Variants in FAM13A observed in about 807,000 individuals in gnomAD.
The protein encoded by FAM13A is family with sequence similarity 13 member A.
Under a neutral mutation model 129.6 loss-of-function variants are expected in FAM13A, and 76 were observed. The ratio of observed to expected loss-of-function variants is 0.59; its 90% confidence interval spans 0.49 to 0.71. FAM13A has a LOEUF of 0.71. Ranked by LOEUF, FAM13A falls within the 30% of genes least tolerant of loss-of-function variation. The pLI, the probability that FAM13A is intolerant of heterozygous loss-of-function variation, is 0.00. For missense variants in FAM13A, 1,108 were observed against 1,249.3 expected (o/e 0.89, Z 1.70); for synonymous variants, 443 against 449.9 (o/e 0.98, Z 0.20).
At chr4:88,978,411 T>C (rs1036351967) in intron 4 of FAM13A, among the ~76,000 whole-genome samples, 10 of 152,084 alleles carry the variant, frequency 6.6e-5, no homozygotes, top group African/African-American at 2.4e-4. Flanking sequence ...ATACAAAAAT[T>C]CCTGGCTGTA....
At position 88,726,476 on chromosome 4, in the gene FAM13A, TTAG is replaced by T. The variant is rs57157914; in HGVS notation, c.*2054_*2056del. The T allele has an allele frequency of 2.8e-3, 434 of 152,714 alleles. 1 individual carries two copies. Among genetic ancestry groups the T allele is most frequent in the African/African-American group, 1.0e-2 (415 of 41,570 alleles). 9.5% of individuals were successfully genotyped at this position (152,714 alleles called of 1,614,324 possible). On this transcript the variant is annotated 3_prime_UTR_variant, in exon 24 of 24. Transcript: ENST00000264344. ...GCAGAAACAACAGATTCCAAAACAA[TTAG>T]TAGCATCTCATTTATTTGTAGCTTA...
intron 7 of FAM13A, among the ~76,000 whole-genome samples, chr4:88,837,605 C>T (rs1156544067): frequency 6.7e-6 from 1 of 150,270 alleles, no homozygotes; most frequent in Non-Finnish European, 1.5e-5. Flanking sequence ...GTAATCCCAG[C>T]TACTTGGGAG....
chr4:88,912,877 A>G (rs1326018285), intron 5 of FAM13A, among the ~76,000 whole-genome samples: 1 of 152,174 alleles, frequency 6.6e-6, no homozygotes, highest in Non-Finnish European at 1.5e-5. Context: ...GATACTCAGG[A>G]GGCTGAGGCA....
chr4:89,044,487 A>C (rs1770578699), intron 1 of FAM13A, among the ~76,000 whole-genome samples: 1 of 152,176 alleles, frequency 6.6e-6, no homozygotes, highest in African/African-American at 2.4e-5. Context: ...TGGAAATATA[A>C]AGTAGAACAG....
chr4:88,733,506 C>T (rs975036416), intron 21 of FAM13A, among the ~76,000 whole-genome samples: 2 of 152,170 alleles, frequency 1.3e-5, no homozygotes, highest in African/African-American at 2.4e-5. Flanking sequence ...TTCCCATCGA[C>T]GTAGTTTTGA....
In FAM13A at chr4:89,029,532, C is replaced by CTTG; in HGVS notation, c.144_145insCAA (p.Leu48_Glu49insGln). 4 of 1,594,582 alleles carry CTTG rather than the reference C, an allele frequency of 2.5e-6. No homozygotes were observed. Among genetic ancestry groups the CTTG allele is most frequent in the Non-Finnish European group, 3.4e-6 (4 of 1,174,558 alleles). On this transcript the variant is annotated inframe_insertion, in exon 2 of 24. Coordinates refer to ENST00000264344, the MANE Select transcript of FAM13A (RefSeq NM_014883.4). ...CCATTCTCGGTGAGCCCCTGCCGTTCAAGTTCTTGGAGACTGACTCCAAAT... is the reference window on the plus strand; with the variant it reads ...CCATTCTCGGTGAGCCCCTGCCGTTCTTGAAGTTCTTGGAGACTGACTCCAAAT...
chr4:88,930,350 G>T (rs1752842704), intron 5 of FAM13A, among the ~76,000 whole-genome samples: 1 of 152,098 alleles, frequency 6.6e-6, no homozygotes, highest in Non-Finnish European at 1.5e-5. Flanking sequence ...TTGTAGGGGA[G>T]AATTTTATTC....
At chr4:88,871,062 T>C (rs1011173051) in intron 6 of FAM13A, among the ~76,000 whole-genome samples, 5 of 152,138 alleles carry the variant, frequency 3.3e-5, no homozygotes, top group Admixed American at 1.3e-4. Context: ...GACCTGACTG[T>C]TAGAAGGAAA....
chr4:88,797,002 G>C (rs1726319433), intron 8 of FAM13A, among the ~76,000 whole-genome samples: 1 of 151,818 alleles, frequency 6.6e-6, no homozygotes, highest in Non-Finnish European at 1.5e-5. Flanking sequence ...TAAGAAAATA[G>C]ACAAAAAAAC....
At chr4:88,782,397 G>A (rs1029095957) in intron 10 of FAM13A, among the ~76,000 whole-genome samples, 3 of 151,780 alleles carry the variant, frequency 2.0e-5, no homozygotes, top group African/African-American at 7.3e-5. Flanking sequence ...CTCCTCCTTC[G>A]TGGTATGAGT....
At chr4:88,997,130 A>C (rs1763648509) in intron 3 of FAM13A, among the ~76,000 whole-genome samples, 1 of 152,208 alleles carries the variant, frequency 6.6e-6, no homozygotes, top group Admixed American at 6.5e-5. Context: ...CAGAAACAGA[A>C]GTGAAATGCA....
chr4:88,861,425 A>ATCAT (rs1739480252), intron 6 of FAM13A, among the ~76,000 whole-genome samples: 1 of 151,878 alleles, frequency 6.6e-6, no homozygotes, highest in African/African-American at 2.4e-5. Context: ...TAATCCATGT[A>ATCAT]TCATTATTGC....
chr4:89,048,606 TAAAAC>T (rs1560953186), intron 1 of FAM13A, among the ~76,000 whole-genome samples: 2 of 152,152 alleles, frequency 1.3e-5, no homozygotes, highest in Non-Finnish European at 2.9e-5. Flanking sequence ...GAGCTGTTGA[TAAAAC>T]AGAAAAGAAA....
At chr4:88,855,860 G>A (rs1017973158) in intron 6 of FAM13A, 1 of 152,134 alleles carries the variant, frequency 6.6e-6, no homozygotes, top group East Asian at 1.9e-4. Context: ...AAGCTGTAAG[G>A]CTCTCTGTTC....
intron 1 of FAM13A, among the ~76,000 whole-genome samples, chr4:89,042,803 A>G (rs144022145): frequency 6.6e-6 from 1 of 152,324 alleles, no homozygotes; most frequent in Non-Finnish European, 1.5e-5. Flanking sequence ...AAATTATTTA[A>G]AATTGCTTAA....
At chr4:89,017,932 C>T (rs2149101747) in intron 3 of FAM13A, among the ~76,000 whole-genome samples, 2 of 152,044 alleles carry the variant, frequency 1.3e-5, no homozygotes, top group Admixed American at 1.3e-4. Context: ...TGCAAATTTG[C>T]TTTCATATTT....
intron 1 of FAM13A, among the ~76,000 whole-genome samples, chr4:89,030,106 T>C (rs1368831668): frequency 2.0e-5 from 3 of 152,100 alleles, no homozygotes; most frequent in Non-Finnish European, 4.4e-5. Context: ...ACAATGACCA[T>C]TCTTCATCTA....
At position 88,980,108 on chromosome 4, in the gene FAM13A, T is replaced by C. The variant is rs567096850; in HGVS notation, c.605+10865A>G. Among the ~76,000 whole-genome samples, 4 of 152,356 alleles carry C rather than the reference T, an allele frequency of 2.6e-5. No individual in the cohort carries two copies. In the South Asian group the frequency reaches 8.3e-4, roughly 32 times the overall value. ...GAATTACATGTATAAGCATGAGACA[T>C]GCCATGATAAACAACAGTAAGTTTT... On this transcript the variant is annotated intron_variant, in intron 4 of 23. Coordinates refer to ENST00000264344, the MANE Select transcript of FAM13A (RefSeq NM_014883.4).
chr4:88,897,059 G>C (rs1446144191), intron 6 of FAM13A, among the ~76,000 whole-genome samples: 1 of 152,170 alleles, frequency 6.6e-6, no homozygotes, highest in Non-Finnish European at 1.5e-5. Flanking sequence ...ATCCTCTTCA[G>C]GGTTTATATA....
Sources: allele counts gnomAD v4.1 joint callset (sites outside exome capture counted in the v4.1 genomes callset), GRCh38; gene constraint gnomAD v4.1.1; transcripts MANE v1.5; gene names NCBI Gene and HGNC (gene_info 2026-07-23, HGNC 2026-07-21).